DUSP10: variants seen among roughly 807,000 people sequenced by gnomAD.
DUSP10 encodes the protein dual specificity protein phosphatase 10.
Under a neutral mutation model 30.8 loss-of-function variants are expected in DUSP10, and 14 were observed. The ratio of observed to expected loss-of-function variants is 0.46; its 90% CI spans 0.30 to 0.71. DUSP10 has a LOEUF of 0.71. DUSP10 is among the 30% of genes least tolerant of loss of function. The pLI is 0.08. For missense variants in DUSP10, 550 were observed against 619.4 expected (o/e 0.89, Z 1.19); for synonymous variants, 254 against 250.4 (o/e 1.01, Z -0.14).
Position 221,702,221 on chromosome 1 carries a change from TG to T in DUSP10, c.*190del. ...CCTTAATTTGTCAGTTTGTGGGAGG[TG>T]AATCTCAATGGCATCAAAAGTTATA... On this transcript the variant is annotated 3_prime_UTR_variant, in exon 4 of 4. Coordinates refer to ENST00000366899, the MANE Select transcript of DUSP10 (RefSeq NM_007207.6). This position sits in a 1 kb window ranked among gnomAD's most constrained non-coding sequence, Gnocchi z 4.5. The T allele has an allele frequency of 1.6e-6, 1 of 610,342 alleles. No homozygotes were observed. The highest frequency in any genetic ancestry group is 2.9e-5 in the East Asian group (1 of 34,522). 37.8% of individuals were successfully genotyped at this position (610,342 alleles called of 1,614,324 possible).
At chr1:221,715,321 TAA>T (rs1322245972) in intron 2 of DUSP10, among the ~76,000 whole-genome samples, 1 of 152,310 alleles carries the variant, frequency 6.6e-6, no homozygotes, top group South Asian at 2.1e-4. Context: ...GTCAGAGCTT[TAA>T]AGATTCCCCT....
At chr1:221,712,173 A>C (rs1035490901) in intron 2 of DUSP10, among the ~76,000 whole-genome samples, 3 of 152,174 alleles carry the variant, frequency 2.0e-5, no homozygotes, top group African/African-American at 7.2e-5. Context: ...TTTCAAGTTC[A>C]AGATGAAAAT....
At chr1:221,737,488 A>T in intron 2 of DUSP10, 1 of 984,776 alleles carries the variant, frequency 1.0e-6, no homozygotes, top group South Asian at 4.7e-5. Flanking sequence ...ATACAGAGCT[A>T]TATGGAGGAA....
In DUSP10 at chr1:221,710,530, TAA is replaced by T. The variant is rs57370939; in HGVS notation, c.812-4066_812-4065del. ...TTGGGAAACTACCATTTTAAAGATC[TAA>T]AAAAAAAAAAATCTGCTTAATATAA... On this transcript the variant is annotated intron_variant, in intron 2 of 3. Transcript: ENST00000366899. 2.4e-3 allele frequency among the ~76,000 whole-genome samples: 345 copies of T among 146,486 alleles called. 1 individual carries two copies. Among genetic ancestry groups the T allele is most frequent in the African/African-American group, 6.9e-3 (278 of 40,508 alleles).
chr1:221,714,527 A>G (rs1397948877), intron 2 of DUSP10, among the ~76,000 whole-genome samples: 3 of 152,166 alleles, frequency 2.0e-5, no homozygotes, highest in African/African-American at 7.2e-5. Flanking sequence ...GTTCATTTGC[A>G]TAATAAGATT....
intron 3 of DUSP10, among the ~76,000 whole-genome samples, chr1:221,704,563 C>T (rs902078896): frequency 1.3e-5 from 2 of 152,196 alleles, no homozygotes; most frequent in African/African-American, 4.8e-5. Flanking sequence ...CCAGGTTTGG[C>T]TCAGATTTTA....
intron 2 of DUSP10, among the ~76,000 whole-genome samples, chr1:221,716,341 G>A (rs755728401): frequency 4.6e-5 from 7 of 152,146 alleles, no homozygotes; most frequent in Non-Finnish European, 8.8e-5. Flanking sequence ...GTTTCAGTAA[G>A]AACCACCTGA....
rs1660624727 is a variant in DUSP10, at chr1:221,702,180, A to C, written c.*232T>G. The C allele has an allele frequency of 2.0e-6, 1 of 510,878 alleles. No individual in the cohort carries two copies. The highest frequency in any genetic ancestry group is 1.9e-5 in the African/African-American group (1 of 51,820). 31.6% of individuals were successfully genotyped at this position (510,878 alleles called of 1,614,324 possible). On this transcript the variant is annotated 3_prime_UTR_variant, in exon 4 of 4. Coordinates refer to ENST00000366899, the MANE Select transcript of DUSP10 (RefSeq NM_007207.6). This position sits in a 1 kb window ranked among gnomAD's most constrained non-coding sequence, Gnocchi z 4.5. ...ATATTTTTATTGTTGGCTTAAAAAA[A>C]TTACTTCTTTAACCTCCTTAATTTG...
At chr1:221,740,235 G>A (rs188132624) in intron 1 of DUSP10, among the ~76,000 whole-genome samples, 250 of 152,242 alleles carry the variant, frequency 1.6e-3, no homozygotes, top group African/African-American at 5.4e-3. Flanking sequence ...TCCCTCACTC[G>A]CTGCAAAGGC....
At chr1:221,734,108 C>T (rs928208002) in intron 2 of DUSP10, among the ~76,000 whole-genome samples, 4 of 152,326 alleles carry the variant, frequency 2.6e-5, no homozygotes, top group Non-Finnish European at 4.4e-5. Context: ...CTTCCATCTA[C>T]CCTTTTATAG....
At chr1:221,723,634 C>T (rs1374110905) in intron 2 of DUSP10, among the ~76,000 whole-genome samples, 1 of 152,182 alleles carries the variant, frequency 6.6e-6, no homozygotes, top group Non-Finnish European at 1.5e-5. Flanking sequence ...AGAACACAAG[C>T]CCTATCTTTA....
intron 1 of DUSP10, among the ~76,000 whole-genome samples, chr1:221,740,731 C>G (rs1271264530): frequency 6.6e-6 from 1 of 152,218 alleles, no homozygotes; most frequent in African/African-American, 2.4e-5. Context: ...GATATCCCCC[C>G]TTCAAGAGTA....
At chr1:221,720,433 T>G (rs533551324) in intron 2 of DUSP10, among the ~76,000 whole-genome samples, 7 of 152,342 alleles carry the variant, frequency 4.6e-5, no homozygotes, top group Admixed American at 4.6e-4. Flanking sequence ...ATCTATATTC[T>G]TTGTAATATC....
At chr1:221,713,402 T>A (rs527690938) in intron 2 of DUSP10, among the ~76,000 whole-genome samples, 1 of 152,182 alleles carries the variant, frequency 6.6e-6, no homozygotes, top group African/African-American at 2.4e-5. Flanking sequence ...TTCAGAAGCC[T>A]TGAAAAAAAA....
chr1:221,729,636 C>T lies in DUSP10; in HGVS notation c.811+9298G>A, dbSNP rs182942968. 1.3e-4 allele frequency among the ~76,000 whole-genome samples: 20 copies of T among 152,266 alleles called. No homozygotes were observed. The East Asian group carries it at 2.7e-3, about 21-fold the overall frequency. ...AGCCCAATGCCCAGCATCTAGAAAG[C>T]ATTCAATAGCTTTTAACTTGTTTTT... On this transcript the variant is annotated intron_variant, in intron 2 of 3. Transcript: ENST00000366899.
At chr1:221,731,366 G>A (rs920307358) in intron 2 of DUSP10, among the ~76,000 whole-genome samples, 2 of 151,982 alleles carry the variant, frequency 1.3e-5, no homozygotes, top group African/African-American at 4.8e-5. Flanking sequence ...AGCATGCAGT[G>A]AAAATAAACG....
At chr1:221,737,623 G>T (rs1257170977) in intron 2 of DUSP10, among the ~76,000 whole-genome samples, 1 of 152,202 alleles carries the variant, frequency 6.6e-6, no homozygotes, top group East Asian at 1.9e-4. Context: ...AAGCCCACCA[G>T]CCCTAAGGAG....
chr1:221,738,804 G>C lies in DUSP10; in HGVS notation c.811+130C>G. On this transcript the variant is annotated intron_variant, in intron 2 of 3. Coordinates refer to ENST00000366899, the MANE Select transcript of DUSP10 (RefSeq NM_007207.6). ...AACCAAAACAATAAAGAGCATAGAA[G>C]GGAAGAGAAGAATAAAGTCTATTTT... 4.2e-6 allele frequency: 5 copies of C among 1,198,260 alleles called. No individual in the cohort carries two copies. In the South Asian group the frequency reaches 7.7e-5, roughly 18 times the overall value. The allele number at this position is 1,198,260 out of a possible 1,614,324, so 74.2% of individuals were successfully genotyped here. A position where few individuals can be genotyped will look rare whatever the true frequency, so the allele number is the denominator to read the frequency against.
chr1:221,703,106 AAAAG>A (rs917473394), intron 3 of DUSP10, among the ~76,000 whole-genome samples: 2 of 152,180 alleles, frequency 1.3e-5, no homozygotes, highest in African/African-American at 4.8e-5. Context: ...GAAAGAAAAA[AAAAG>A]AATGAAGGAA....
Sources: allele counts gnomAD v4.1 joint callset (sites outside exome capture counted in the v4.1 genomes callset), GRCh38; gene constraint gnomAD v4.1.1; non-coding constraint Gnocchi (gnomAD v3.1); transcripts MANE v1.5; gene names NCBI Gene and HGNC (gene_info 2026-07-23, HGNC 2026-07-21).